Variants in NCAM2 observed in about 807,000 individuals in gnomAD.
NCAM2 encodes the protein neural cell adhesion molecule 2.
A neutral mutation model predicts 98.1 loss-of-function variants in NCAM2; 30 were observed. That is an observed-to-expected ratio of 0.31 (90% CI 0.23 to 0.41). The LOEUF (loss-of-function observed/expected upper bound fraction) is 0.41. Among genes scored for constraint, NCAM2 ranks in the 10% least tolerant of loss-of-function variants. The pLI is 1.00. For missense variants in NCAM2, 867 were observed against 1,005.8 expected (o/e 0.86, Z 1.87); for synonymous variants, 368 against 342.4 (o/e 1.07, Z -0.83).
chr21:21,265,212 ATAG>A (rs1251827034), intron 1 of NCAM2, among the ~76,000 whole-genome samples: 1 of 120,524 alleles, frequency 8.3e-6, no homozygotes, highest in Non-Finnish European at 1.6e-5. Context: ...ATGTGTGTAT[ATAG>A]TATATTATAT....
intron 17 of NCAM2, among the ~76,000 whole-genome samples, chr21:21,536,087 C>T (rs1402500962): frequency 6.6e-6 from 1 of 152,022 alleles, no homozygotes; most frequent in African/African-American, 2.4e-5. Context: ...ATTTTCAGTA[C>T]TTGTGAATGC....
At chr21:21,281,047 T>C (rs1228453606) in intron 2 of NCAM2, among the ~76,000 whole-genome samples, 2 of 152,120 alleles carry the variant, frequency 1.3e-5, no homozygotes, top group African/African-American at 2.4e-5. Flanking sequence ...CGCCTTGGCC[T>C]CCTGAAGTGC....
At chr21:21,532,056 T>G (rs1439469601) in intron 16 of NCAM2, among the ~76,000 whole-genome samples, 2 of 151,854 alleles carry the variant, frequency 1.3e-5, no homozygotes, top group Non-Finnish European at 2.9e-5. Context: ...ATGTAAATTA[T>G]GTGTGTTTCA....
chr21:21,141,254 TCTC>T (rs1322485942), intron 1 of NCAM2, among the ~76,000 whole-genome samples: 3 of 152,164 alleles, frequency 2.0e-5, no homozygotes, highest in South Asian at 2.1e-4. Flanking sequence ...ACAACAAACT[TCTC>T]CTTATTTCCT....
rs1202895712 is a variant in NCAM2, at chr21:21,411,219, C to CAT, written c.1383+771_1383+772dup. The stretch of plus-strand genomic sequence containing the variant: ...AGTTATTGAGGGATAAAAATTTTTC[C>CAT]ATATATATATATATGGAAAAATCTA... On this transcript the variant is annotated intron_variant, in intron 10 of 17. Coordinates refer to ENST00000400546, the MANE Select transcript of NCAM2 (RefSeq NM_004540.5). Among the ~76,000 whole-genome samples, 303 of 128,086 alleles carry CAT rather than the reference C, an allele frequency of 2.4e-3. 1 individual carries two copies. Among genetic ancestry groups the CAT allele is most frequent in the African/African-American group, 6.0e-3 (201 of 33,726 alleles). 84.0% of individuals were successfully genotyped at this position (128,086 alleles called of 152,430 possible). A position where few individuals can be genotyped will look rare whatever the true frequency, so the allele number is the denominator to read the frequency against.
chr21:21,320,040 A>G (rs2074334015), intron 5 of NCAM2, among the ~76,000 whole-genome samples: 1 of 152,184 alleles, frequency 6.6e-6, no homozygotes, highest in South Asian at 2.1e-4. Context: ...ATGGTACTAT[A>G]TAAAGCCTTT....
chr21:21,159,887 G>T (rs1348959359), intron 1 of NCAM2, among the ~76,000 whole-genome samples: 1 of 151,938 alleles, frequency 6.6e-6, no homozygotes, highest in Non-Finnish European at 1.5e-5. Flanking sequence ...ACATATACAT[G>T]TATATGTGAA....
chr21:21,379,775 C>T (rs928948599), intron 9 of NCAM2, among the ~76,000 whole-genome samples: 1 of 151,836 alleles, frequency 6.6e-6, no homozygotes, highest in African/African-American at 2.4e-5. Flanking sequence ...GGTATTTGCA[C>T]TCATCAGGAT....
intron 1 of NCAM2, among the ~76,000 whole-genome samples, chr21:21,276,879 T>A (rs1254378475): frequency 3.3e-5 from 5 of 152,090 alleles, no homozygotes; most frequent in Non-Finnish European, 7.4e-5. Flanking sequence ...AATATGTGCA[T>A]TGGTAATTTG....
chr21:21,070,542 A>C (rs930931446), intron 1 of NCAM2, among the ~76,000 whole-genome samples: 1 of 152,092 alleles, frequency 6.6e-6, no homozygotes, highest in East Asian at 1.9e-4. Flanking sequence ...TAAGGAAAAC[A>C]TGAGTATTTA....
At chr21:21,486,177 G>A (rs1257809814) in intron 15 of NCAM2, among the ~76,000 whole-genome samples, 2 of 151,678 alleles carry the variant, frequency 1.3e-5, no homozygotes, top group South Asian at 2.1e-4. Flanking sequence ...GGTGGCGGGC[G>A]CCTGTAGTCC....
intron 1 of NCAM2, among the ~76,000 whole-genome samples, chr21:21,201,171 G>A (rs1455906972): frequency 2.0e-5 from 3 of 152,002 alleles, no homozygotes; most frequent in Admixed American, 6.6e-5. Flanking sequence ...TGCCATACAC[G>A]TGTATAATTT....
chr21:21,145,625 G>A (rs538650670), intron 1 of NCAM2, among the ~76,000 whole-genome samples: 1 of 152,182 alleles, frequency 6.6e-6, no homozygotes, highest in Admixed American at 6.5e-5. Context: ...ATAAAATGAA[G>A]CCAAAAAGAA....
chr21:21,485,074 T>C (rs1368954008), intron 15 of NCAM2, among the ~76,000 whole-genome samples: 4 of 152,176 alleles, frequency 2.6e-5, no homozygotes, highest in Admixed American at 6.5e-5. Flanking sequence ...TTTCAATGTG[T>C]TTACCATTTA....
intron 1 of NCAM2, among the ~76,000 whole-genome samples, chr21:21,259,212 CAG>C (rs2071795499): frequency 6.6e-6 from 1 of 152,244 alleles, no homozygotes; most frequent in Admixed American, 6.5e-5. Context: ...ATCCCAGCAA[CAG>C]AGGACAGACA....
chr21:21,044,394 G>A (rs886353341), intron 1 of NCAM2, among the ~76,000 whole-genome samples: 1 of 152,036 alleles, frequency 6.6e-6, no homozygotes, highest in African/African-American at 2.4e-5. Context: ...CAGAAGAGTA[G>A]GGTTTTTAAT....
At chr21:21,159,196 T>C (rs1488963577) in intron 1 of NCAM2, among the ~76,000 whole-genome samples, 3 of 152,190 alleles carry the variant, frequency 2.0e-5, no homozygotes, top group African/African-American at 7.2e-5. Flanking sequence ...TATAGCTGTA[T>C]AATATGTTTG....
intron 1 of NCAM2, among the ~76,000 whole-genome samples, chr21:21,068,887 T>G (rs141366785): frequency 6.6e-6 from 1 of 152,312 alleles, no homozygotes; most frequent in African/African-American, 2.4e-5. Flanking sequence ...TTATTGCTTT[T>G]TTCACTGCTA....
chr21:21,384,462 C>A (rs232426), intron 9 of NCAM2, among the ~76,000 whole-genome samples: 57,351 of 151,410 alleles, frequency 0.38, 11,173 homozygotes, highest in East Asian at 0.58. Context: ...ACATACATTC[C>A]TGAAAATTTA....
Sources: allele counts gnomAD v4.1 joint callset (sites outside exome capture counted in the v4.1 genomes callset), GRCh38; gene constraint gnomAD v4.1.1; transcripts MANE v1.5; gene names NCBI Gene and HGNC (gene_info 2026-07-23, HGNC 2026-07-21).